PZP: variants seen among roughly 807,000 people sequenced by gnomAD.
The protein encoded by PZP is PZP alpha-2-macroglobulin like.
Under a neutral mutation model 179.8 loss-of-function variants are expected in PZP, and 150 were observed. The observed-to-expected ratio is 0.83, with a 90% CI of 0.73 to 0.96. The LOEUF is 0.96. PZP is among the 40% of genes least tolerant of loss of function. The probability of loss-of-function intolerance (pLI) is 0.00; values close to 1 mark genes in which losing one functional copy is unlikely to be tolerated. For missense variants in PZP, 1,689 were observed against 1,764.0 expected (o/e 0.96, Z 0.76); for synonymous variants, 624 against 652.3 (o/e 0.96, Z 0.66).
At chr12:9,165,946 A>T in intron 18 of PZP, 106 bp downstream of exon 18, 2 of 1,353,400 alleles carry the variant, frequency 1.5e-6, no homozygotes, top group East Asian at 2.3e-5. Context: ...GGAAGAGGTT[A>T]AGATAATTAT....
Position 9,201,243 on chromosome 12 carries a change from A to G in PZP, c.501+84T>C, listed in dbSNP as rs773651811. ...ATTCAGATCTGAAAATTTTTAAAGT[A>G]GTTCATCTGTCTAGAGTATTATCAG... On this transcript the variant is annotated intron_variant, in intron 5 of 35. Transcript: ENST00000261336. 12 of 1,338,520 alleles carry G rather than the reference A, an allele frequency of 9.0e-6. No homozygotes were observed. In the African/African-American group the frequency reaches 1.8e-4, roughly 20 times the overall value. The allele number at this position is 1,338,520 out of a possible 1,614,324, so 82.9% of individuals were successfully genotyped here.
intron 20 of PZP, 101 bp from the exon 21 acceptor site, chr12:9,163,890 G>A: frequency 7.1e-7 from 1 of 1,414,378 alleles, no homozygotes; most frequent in African/African-American, 1.4e-5. Flanking sequence ...TAGAAAATAA[G>A]GCTAAAAAAA....
chr12:9,207,693 TAGG>T (rs1413948045), intron 1 of PZP, among the ~76,000 whole-genome samples: 1 of 152,144 alleles, frequency 6.6e-6, no homozygotes, highest in Non-Finnish European at 1.5e-5. Context: ...TTTTCTCTAT[TAGG>T]AGTTAATGGA....
intron 22 of PZP, among the ~76,000 whole-genome samples, chr12:9,161,656 A>G (rs1055662960): frequency 1.3e-5 from 2 of 152,206 alleles, no homozygotes; most frequent in Non-Finnish European, 2.9e-5. Flanking sequence ...CTATATTTGA[A>G]TGGATTCCCA....
intron 15 of PZP, among the ~76,000 whole-genome samples, chr12:9,177,072 C>T (rs1283317780): frequency 6.6e-6 from 1 of 152,122 alleles, no homozygotes; most frequent in African/African-American, 2.4e-5. Flanking sequence ...CAGAATTGCC[C>T]ACAATAATCT....
chr12:9,184,783 G>A (rs773601985), intron 13 of PZP, among the ~76,000 whole-genome samples: 2 of 152,186 alleles, frequency 1.3e-5, no homozygotes, highest in African/African-American at 2.4e-5. Flanking sequence ...GTTACAGCAT[G>A]CAATCCAGGA....
intron 9 of PZP, 51 bp downstream of exon 9, chr12:9,196,520 T>A: frequency 6.4e-7 from 1 of 1,571,594 alleles, no homozygotes. Flanking sequence ...TTTATTTTGT[T>A]ATGGAAAGTA....
Position 9,202,320 on chromosome 12 carries a change from A to C in PZP, c.479T>G (p.Leu160Arg), listed in dbSNP as rs767195932. ...VDENFRPRNE[L>R]IPLIYLENPR... ...AAACCACAGATAGTGGATGCTTACC[A>C]GTTCATTTCGAGGGCGAAAATTTTC... The change falls in exon 4 of 36, where the codon CTG becomes CGG. Residue 160 changes from leucine (L) to arginine (R), a missense_variant and splice_region_variant. This residue lies in a region of PZP where 742 missense variants were observed against 730.5 expected (regional missense o/e 1.02). Coordinates refer to ENST00000261336, the MANE Select transcript of PZP (RefSeq NM_002864.3). The C allele has an allele frequency of 6.2e-7, 1 of 1,612,832 alleles. No individual in the cohort carries two copies. Among genetic ancestry groups the C allele is most frequent in the African/African-American group, 1.3e-5 (1 of 74,904 alleles).
intron 7 of PZP, among the ~76,000 whole-genome samples, chr12:9,198,614 A>C (rs1416219485): frequency 6.6e-6 from 1 of 152,146 alleles, no homozygotes; most frequent in Non-Finnish European, 1.5e-5. Flanking sequence ...ATACAAAATA[A>C]TTAGTGGGGT....
Position 9,201,260 on chromosome 12 carries a change from T to C in PZP, c.501+67A>G, listed in dbSNP as rs970632914. ...TTTAAAGTAGTTCATCTGTCTAGAG[T>C]ATTATCAGAACCTCCTACTCTCTAA... On this transcript the variant is annotated intron_variant, in intron 5 of 35. Coordinates refer to ENST00000261336, the MANE Select transcript of PZP (RefSeq NM_002864.3). 52 of 1,393,248 alleles carry C rather than the reference T, an allele frequency of 3.7e-5. No individual in the cohort carries two copies. The Admixed American group carries it at 1.0e-3, about 27-fold the overall frequency. The allele number at this position is 1,393,248 out of a possible 1,614,324, so 86.3% of individuals were successfully genotyped here.
At position 9,200,928 on chromosome 12, in the gene PZP, C is replaced by T. The variant is rs1316576282; in HGVS notation, c.634G>A (p.Gly212Arg). ...ACGGTGAAGGGGTGCTGTATCCTTC[C>T]ACCTGATTCTGTCTGTACCACCACC... Reference protein sequence around the residue: ...YRVVVQTESGGRIQHPFTVEE... With the variant: ...YRVVVQTESGRRIQHPFTVEE... The change falls in exon 6 of 36, where the codon GGA becomes AGA. Residue 212 changes from glycine to arginine, a missense_variant. Physicochemically the swap from Gly to Arg is moderately radical, Grantham distance 125. This residue lies in a region of PZP where 742 missense variants were observed against 730.5 expected (regional missense o/e 1.02). Transcript: ENST00000261336. The T allele has an allele frequency of 2.5e-6, 4 of 1,613,932 alleles. No homozygotes were observed. Among genetic ancestry groups the T allele is most frequent in the Middle Eastern group, 3.3e-4 (2 of 6,062 alleles).
chr12:9,154,666 TCA>T lies in PZP; in HGVS notation c.3722_3723del (p.Val1241GlufsTer38), dbSNP rs1040985238. 2.5e-6 allele frequency: 4 copies of T among 1,614,166 alleles called. No individual in the cohort carries two copies. Among genetic ancestry groups the T allele is most frequent in the Non-Finnish European group, 3.4e-6 (4 of 1,180,030 alleles). ...SGDLTSATNI[V>X]KWIMKQQNAQ... is the part of the protein sequence containing the mutation. ...GCGTTCTGCTGCTTCATGATCCACT[TCA>T]CAATGTTAGTTGCAGAGGTCAGGTC... On this transcript the variant is annotated frameshift_variant, in exon 29 of 36. Coordinates refer to ENST00000261336, the MANE Select transcript of PZP (RefSeq NM_002864.3). LOFTEE classifies it high-confidence loss of function.
intron 24 of PZP, 31 bp from the exon 25 acceptor site, chr12:9,160,056 A>G: frequency 6.3e-7 from 1 of 1,585,052 alleles, no homozygotes; most frequent in Non-Finnish European, 8.7e-7. Flanking sequence ...TTGTTCATGA[A>G]GCATTAAAGA....
chr12:9,167,848 A>G (rs1445611507), intron 17 of PZP, among the ~76,000 whole-genome samples: 4 of 152,142 alleles, frequency 2.6e-5, no homozygotes, highest in Non-Finnish European at 5.9e-5. Context: ...AGTTTGTTCT[A>G]TGTAAATCTC....
chr12:9,166,633 C>T (rs748529166), intron 17 of PZP, among the ~76,000 whole-genome samples: 1 of 152,158 alleles, frequency 6.6e-6, no homozygotes. Flanking sequence ...TAATGATTTA[C>T]ATTAAATTAC....
At chr12:9,182,539 G>C (rs192533033) in intron 13 of PZP, among the ~76,000 whole-genome samples, 2 of 152,104 alleles carry the variant, frequency 1.3e-5, no homozygotes, top group Non-Finnish European at 2.9e-5. Flanking sequence ...CTTTTAAAAA[G>C]CTCTGTATGT....
chr12:9,196,242 C>G, intron 10 of PZP, 88 bp downstream of exon 10: 1 of 853,790 alleles, frequency 1.2e-6, no homozygotes, highest in South Asian at 1.8e-5. Context: ...TAACTGATAA[C>G]ACTAACCAAG....
At chr12:9,201,447 G>A in intron 4 of PZP, 100 bp from the exon 5 acceptor site, 1 of 895,392 alleles carries the variant, frequency 1.1e-6, no homozygotes, top group Non-Finnish European at 1.7e-6. Context: ...AATATTATCT[G>A]TAGCTAAATT....
At chr12:9,139,736 G>T in the PZP span, among the ~76,000 whole-genome samples, 1 of 152,096 alleles carries the variant, frequency 6.6e-6, no homozygotes, top group Admixed American at 6.6e-5. Context: ...TCTGATATAA[G>T]TGTAGCCACT....
Sources: allele counts gnomAD v4.1 joint callset (sites outside exome capture counted in the v4.1 genomes callset), GRCh38; gene constraint gnomAD v4.1.1; regional missense constraint gnomAD v4.1.1; transcripts MANE v1.5; gene names NCBI Gene and HGNC (gene_info 2026-07-23, HGNC 2026-07-21).